The following OGG1 variants were observed in gnomAD, a reference collection of about 807,000 sequenced individuals.
OGG1 encodes 8-oxoguanine DNA glycosylase, also known as N-glycosylase/DNA lyase.
OGG1 carries 35 observed loss-of-function variants against 42.3 expected under a neutral mutation model. That is an observed-to-expected ratio of 0.83 (90% CI 0.63 to 1.10). The LOEUF is 1.10. OGG1 is among the 50% of genes least tolerant of loss of function. OGG1 has a pLI of 0.00. For synonymous variants in OGG1, 189 were observed against 179.0 expected, an observed-to-expected ratio of 1.06 and a Z score of -0.44; for missense variants, 484 against 446.7, an observed-to-expected ratio of 1.08 and a Z score of -0.75.
At chr3:9,785,085 C>T (rs9813445) in intron 3 of OGG1, among the ~76,000 whole-genome samples, 2,762 of 152,272 alleles carry the variant, frequency 0.018, 80 homozygotes, top group African/African-American at 0.06. Flanking sequence ...AACCATTCCC[C>T]TTCAGCAGGA....
At chr3:9,755,026 T>A (rs1453096305) in intron 4 of OGG1, 141 bp downstream of exon 4, 1 of 711,190 alleles carries the variant, frequency 1.4e-6, no homozygotes. Flanking sequence ...AGATGTTTTA[T>A]GAGAGAAAAA....
At chr3:9,752,028 A>C in intron 3 of OGG1, 79 bp downstream of exon 3, 9 of 1,396,884 alleles carry the variant, frequency 6.4e-6, no homozygotes, top group Non-Finnish European at 8.0e-6. Context: ...TTACCTTCTC[A>C]AGGCTTCCTG....
downstream of OGG1, chr3:9,789,502 T>C: frequency 1.9e-6 from 3 of 1,612,872 alleles, no homozygotes; most frequent in Non-Finnish European, 2.5e-6. Flanking sequence ...AGGCCCAGAG[T>C]TTCTACCTTG....
intron 3 of OGG1, among the ~76,000 whole-genome samples, chr3:9,786,050 T>A (rs1022417449): frequency 3.3e-5 from 5 of 152,094 alleles, no homozygotes; most frequent in Non-Finnish European, 7.4e-5. Flanking sequence ...GCCATTCTCC[T>A]GCCTCAGCCT....
chr3:9,789,523 C>T (rs764539864), downstream of OGG1: 3 of 1,614,096 alleles, frequency 1.9e-6, no homozygotes, highest in Non-Finnish European at 2.5e-6. Flanking sequence ...TAATGCTCAG[C>T]CTCATCTTCT....
At chr3:9,786,523 T>C (rs1359158373) in intron 3 of OGG1, among the ~76,000 whole-genome samples, 1 of 152,210 alleles carries the variant, frequency 6.6e-6, no homozygotes, top group Non-Finnish European at 1.5e-5. Flanking sequence ...AAGCTAGGGT[T>C]TGAATCCTGG....
chr3:9,754,969 G>A (rs1327312189), intron 4 of OGG1, 84 bp downstream of exon 4: 13 of 1,226,302 alleles, frequency 1.1e-5, no homozygotes, highest in African/African-American at 1.5e-5. Context: ...GAGCTGGGTG[G>A]AGGCTTGGCT....
At chr3:9,789,669 C>G (rs756022417), downstream of OGG1, 34 of 1,609,836 alleles carry the variant, frequency 2.1e-5, 1 homozygote, top group South Asian at 3.7e-4. Context: ...GTGCCTCCAC[C>G]ACCAGAACCT....
chr3:9,772,911 C>T (rs2078319415), intron 2 of OGG1, among the ~76,000 whole-genome samples: 1 of 152,160 alleles, frequency 6.6e-6, no homozygotes, highest in Admixed American at 6.5e-5. Context: ...TATACATATA[C>T]ATCCTTCTGC....
intron 7 of OGG1, chr3:9,762,770 A>T: frequency 1.4e-6 from 1 of 710,640 alleles, no homozygotes. Context: ...GGGAGGAGGC[A>T]GTTTAAAGGT....
Position 9,752,552 on chromosome 3 carries a change from A to AAAT in OGG1, c.565+603_565+604insAAT, listed in dbSNP as rs1553700331. On this transcript the variant is annotated intron_variant, in intron 3 of 6. Transcript: ENST00000344629. The stretch of plus-strand genomic sequence containing the variant: ...CTCAAAAAAAAAAAAAAAAAAAAAA[A>AAAT]TTCAAGCTGGTATCATTGTAGTGAA... 1.2e-3 allele frequency among the ~76,000 whole-genome samples: 178 copies of AAAT among 145,178 alleles called. 5 individuals carry two copies. The highest frequency in any genetic ancestry group is 2.4e-3 in the South Asian group (11 of 4,646).
chr3:9,771,120 T>C (rs1202386690), downstream of OGG1, among the ~76,000 whole-genome samples: 2 of 151,936 alleles, frequency 1.3e-5, no homozygotes, highest in African/African-American at 4.8e-5. Flanking sequence ...CTCAAACTCC[T>C]GGGCTCAAGT....
At chr3:9,784,694 G>A (rs559746614) in intron 3 of OGG1, among the ~76,000 whole-genome samples, 7 of 151,830 alleles carry the variant, frequency 4.6e-5, no homozygotes, top group African/African-American at 1.7e-4. Flanking sequence ...GTGAAACCCC[G>A]TCTCTACTAA....
intron 3 of OGG1, chr3:9,784,134 G>A: frequency 6.2e-7 from 1 of 1,614,178 alleles, no homozygotes; most frequent in Middle Eastern, 1.7e-4. Flanking sequence ...TCCTCTGCGG[G>A]GCGGTCCTCA....
At chr3:9,752,069 G>C in intron 3 of OGG1, 120 bp downstream of exon 3, 4 of 908,428 alleles carry the variant, frequency 4.4e-6, no homozygotes, top group East Asian at 5.2e-5. Flanking sequence ...ATCCAGAACC[G>C]CCCTGCCTGG....
Position 9,754,824 on chromosome 3 carries a change from G to C in OGG1, c.686G>C (p.Arg229Pro), listed in dbSNP as rs1805373. ...QGGLAWLQQL[R>P]ESSYEEAHKA... The stretch of plus-strand genomic sequence containing the variant: ...GGGCTAGCCTGGCTGCAGCAGCTAC[G>C]AGAGTCCTCATATGAGGAGGCCCAC... The change falls in exon 4 of 7, where the codon CGA (arginine) becomes CCA (proline). Residue 229 changes from arginine (R) to proline (P), a missense_variant. Physicochemically the swap from Arg to Pro is moderately radical, Grantham distance 103 (BLOSUM62 -2). Transcript: ENST00000344629. 1.9e-6 allele frequency: 3 copies of C among 1,611,808 alleles called. No homozygotes were observed. Among genetic ancestry groups the C allele is most frequent in the Middle Eastern group, 1.7e-4 (1 of 6,058 alleles).
At chr3:9,774,126 T>A (rs1315694268) in intron 2 of OGG1, among the ~76,000 whole-genome samples, 2 of 152,136 alleles carry the variant, frequency 1.3e-5, no homozygotes, top group African/African-American at 4.8e-5. Context: ...TTAAAATTCT[T>A]TGGCTGGGCG....
At chr3:9,782,716 G>A (rs759073239) in intron 3 of OGG1, among the ~76,000 whole-genome samples, 4 of 151,824 alleles carry the variant, frequency 2.6e-5, no homozygotes, top group East Asian at 1.9e-4. Flanking sequence ...GCCTGAACCC[G>A]GGAGGCGGAG....
chr3:9,757,921 T>C (rs2077663035), downstream of OGG1: 2 of 1,521,258 alleles, frequency 1.3e-6, no homozygotes, highest in Non-Finnish European at 8.8e-7. The surrounding 1 kb of genome is among the most constrained non-coding windows in gnomAD (Gnocchi z 4.5). Flanking sequence ...AGGGGCGCAG[T>C]GGGATTCTTG....
Sources: allele counts gnomAD v4.1 joint callset (sites outside exome capture counted in the v4.1 genomes callset), GRCh38; gene constraint gnomAD v4.1.1; non-coding constraint Gnocchi (gnomAD v3.1); transcripts MANE v1.5; gene names NCBI Gene and HGNC (gene_info 2026-07-23, HGNC 2026-07-21).